The following COL4A4 variants were observed in gnomAD, a reference collection of about 807,000 sequenced individuals.
The protein encoded by COL4A4 is collagen alpha-4(IV) chain.
In COL4A4, 105 loss-of-function variants were observed where a neutral mutation model predicts 192.9. The ratio of observed to expected loss-of-function variants is 0.54; its 90% CI spans 0.46 to 0.64. The LOEUF is 0.64. Ranked by LOEUF, COL4A4 falls within the 30% of genes least tolerant of loss-of-function variation. The pLI, the probability that COL4A4 is intolerant of heterozygous loss-of-function variation, is 0.00. For synonymous variants in COL4A4, 762 were observed against 769.9 expected (o/e 0.99, Z 0.17); for missense variants, 1,967 against 2,169.3 (o/e 0.91, Z 1.85).
chr2:227,054,735 GT>G lies in COL4A4; in HGVS notation c.2718del (p.Arg908GlyfsTer42), dbSNP rs762416366. ...CCTGGGAAACCAGGCAGCCCCCGGG[GT>G]CCTGGTGAAATGAGAGCATAAAGTT... Reference protein sequence around the residue: ...DGLPGPPGPKGPRGLPGFPGF... With the variant: ...DGLPGPPGPKXPRGLPGFPGF... On this transcript the variant is annotated frameshift_variant and splice_region_variant, in exon 31 of 48. Transcript: ENST00000396625. LOFTEE classifies it high-confidence loss of function. 1 of 1,613,864 alleles carries G rather than the reference GT, an allele frequency of 6.2e-7. No individual in the cohort carries two copies. Among genetic ancestry groups the G allele is most frequent in the Non-Finnish European group, 8.5e-7 (1 of 1,179,924 alleles).
intron 20 of COL4A4, among the ~76,000 whole-genome samples, chr2:227,092,915 A>G (rs143616611): frequency 6.6e-6 from 1 of 152,346 alleles, no homozygotes; most frequent in Non-Finnish European, 1.5e-5. Flanking sequence ...AGAAATAGCA[A>G]TACAAGTACA....
chr2:227,012,092 G>T, intron 45 of COL4A4, 89 bp downstream of exon 45: 1 of 1,060,680 alleles, frequency 9.4e-7, no homozygotes, highest in Non-Finnish European at 1.5e-6. Flanking sequence ...ATAGGATCCA[G>T]TTTGGAAAGC....
Position 227,103,124 on chromosome 2 carries a change from A to G in COL4A4, c.870+20T>C. 6.2e-7 allele frequency: 1 copy of G among 1,600,060 alleles called. No homozygotes were observed. Among genetic ancestry groups the G allele is most frequent in the Non-Finnish European group, 8.5e-7 (1 of 1,172,852 alleles). On this transcript the variant is annotated intron_variant, in intron 14 of 47. Transcript: ENST00000396625. The stretch of plus-strand genomic sequence containing the variant: ...GTACATCACACAAATGAAAAAAAAA[A>G]AGGTACTTAAATAAACTACCTTGCG...
chr2:227,139,507 T>C (rs996845395), intron 4 of COL4A4, among the ~76,000 whole-genome samples: 5 of 152,152 alleles, frequency 3.3e-5, no homozygotes, highest in Admixed American at 3.3e-4. Context: ...CCAAAGAGGT[T>C]CTTGGCTTTG....
chr2:227,064,740 T>G (rs2058188747), intron 25 of COL4A4, among the ~76,000 whole-genome samples: 1 of 152,184 alleles, frequency 6.6e-6, no homozygotes, highest in Non-Finnish European at 1.5e-5. Context: ...TTCAACCTCC[T>G]TAAACAGAAC....
chr2:227,025,924 T>C, intron 42 of COL4A4, 114 bp from the exon 43 acceptor site: 2 of 923,918 alleles, frequency 2.2e-6, no homozygotes, highest in Non-Finnish European at 3.4e-6. Flanking sequence ...ACATACATAA[T>C]AATTTGAGGC....
downstream of COL4A4, among the ~76,000 whole-genome samples, chr2:226,999,919 TCTCA>T (rs746125315): frequency 2.6e-5 from 4 of 152,372 alleles, no homozygotes; most frequent in East Asian, 1.9e-4. Flanking sequence ...TGTGTCTTTC[TCTCA>T]CTATTTCCCC....
intron 43 of COL4A4, among the ~76,000 whole-genome samples, chr2:227,023,186 A>T (rs1033219024): frequency 6.6e-6 from 1 of 152,010 alleles, no homozygotes; most frequent in African/African-American, 2.4e-5. Context: ...CACACCTGTA[A>T]TCCCAGCACT....
At chr2:226,996,161 A>T in the COL4A4 span, 4 of 152,830 alleles carry the variant, frequency 2.6e-5, no homozygotes, top group Non-Finnish European at 5.8e-5. Flanking sequence ...TAAGGTGGGG[A>T]AGACTCCTAC....
At chr2:226,975,234 A>G in the COL4A4 span, among the ~76,000 whole-genome samples, 1 of 152,170 alleles carries the variant, frequency 6.6e-6, no homozygotes, top group Admixed American at 6.5e-5. Context: ...GGTGGAATCG[A>G]TGCCCCTGAG....
intron 22 of COL4A4, among the ~76,000 whole-genome samples, chr2:227,086,896 C>T (rs1196705981): frequency 1.3e-5 from 2 of 152,238 alleles, no homozygotes; most frequent in Non-Finnish European, 2.9e-5. Flanking sequence ...TCCTATTGAG[C>T]AGAGGTGGCC....
Position 227,052,348 on chromosome 2 carries a change from C to T in COL4A4, c.2925G>A (p.Gly975=), listed in dbSNP as rs559743197. Residue 975 remains glycine (G), a synonymous_variant, in exon 32 of 48, where the codon GGG becomes GGA. Transcript: ENST00000396625. ...MAIISQKGTP[G]EPGPPGDDGF... Reference sequence around the variant, plus strand: ...CATCATCTCCAGGAGGTCCAGGTTCCCCAGGTGTTCCCTTTTGTGAAATGA... The same window carrying T: ...CATCATCTCCAGGAGGTCCAGGTTCTCCAGGTGTTCCCTTTTGTGAAATGA... The T allele has an allele frequency of 7.3e-5, 118 of 1,613,388 alleles. 1 individual carries two copies. The South Asian group carries it at 9.9e-4, about 14-fold the overall frequency.
intron 41 of COL4A4, among the ~76,000 whole-genome samples, 193 bp from the exon 42 acceptor site, chr2:227,028,202 C>A (rs945840921): frequency 6.6e-6 from 1 of 152,074 alleles, no homozygotes; most frequent in African/African-American, 2.4e-5. Context: ...ACATGATCGG[C>A]CGAAAGAACT....
At chr2:227,051,732 C>G (rs1974148645) in intron 32 of COL4A4, among the ~76,000 whole-genome samples, 1 of 152,166 alleles carries the variant, frequency 6.6e-6, no homozygotes, top group Non-Finnish European at 1.5e-5. Flanking sequence ...TTGCGCTATT[C>G]ACTTTAAAAC....
chr2:227,158,603 T>C (rs916595015), intron 1 of COL4A4, among the ~76,000 whole-genome samples: 1 of 151,998 alleles, frequency 6.6e-6, no homozygotes, highest in African/African-American at 2.4e-5. Flanking sequence ...CCACAATATA[T>C]AAATAACTCT....
At chr2:227,120,629 T>C (rs1355746724) in intron 5 of COL4A4, among the ~76,000 whole-genome samples, 1 of 152,124 alleles carries the variant, frequency 6.6e-6, no homozygotes, top group Non-Finnish European at 1.5e-5. Context: ...AAGTATATAC[T>C]ACTCGTGGTT....
At chr2:227,098,322 G>T (rs753516173) in intron 19 of COL4A4, among the ~76,000 whole-genome samples, 2 of 152,114 alleles carry the variant, frequency 1.3e-5, no homozygotes, top group Admixed American at 1.3e-4. Context: ...TTATCTGCAT[G>T]CGATAACTTT....
chr2:227,040,015 C>T (rs1970461420), intron 37 of COL4A4, among the ~76,000 whole-genome samples: 1 of 152,214 alleles, frequency 6.6e-6, no homozygotes, highest in Non-Finnish European at 1.5e-5. Flanking sequence ...CCTGTCTCCA[C>T]AGACTTGCAC....
intron 25 of COL4A4, among the ~76,000 whole-genome samples, chr2:227,064,528 T>C (rs1265432314): frequency 6.6e-6 from 1 of 152,326 alleles, no homozygotes; most frequent in East Asian, 1.9e-4. Context: ...GCCAAGAAGC[T>C]TAAAGAACTC....
Sources: gnomAD v4.1 joint callset for allele counts (sites outside exome capture counted in the v4.1 genomes callset) on GRCh38, gnomAD v4.1.1 for gene constraint, MANE v1.5 for transcripts, NCBI Gene and HGNC (gene_info 2026-07-23, HGNC 2026-07-21) for gene names.